Variants in RNF113A observed in about 807,000 individuals in gnomAD.
RNF113A encodes ring finger protein 113A, also known as E3 ubiquitin-protein ligase RNF113A.
For missense variants in RNF113A, 180 were observed against 285.4 expected (o/e 0.63, Z 2.66); for synonymous variants, 80 against 110.5 (o/e 0.72, Z 1.73).
chrX:119,871,534 G>A lies in RNF113A; in HGVS notation c.80C>T (p.Ala27Val). 1 of 1,211,694 alleles carries A rather than the reference G, an allele frequency of 8.3e-7. No homozygotes were observed. ...FLFKKPGRKG[A>V]AGRRKRPACD... ...GGCCGGGCGCTTTCTGCGTCCAGCA[G>A]CCCCTTTCCGCCCAGGCTTTTTGAA... Residue 27 changes from alanine to valine, a missense_variant, in exon 1 of 1, where the codon GCT (alanine) becomes GTT (valine). Transcript: ENST00000371442.
At position 119,870,553 on chromosome X, in the gene RNF113A, A is replaced by AT; in HGVS notation, c.*28dup. 8.8e-7 allele frequency: 1 copy of AT among 1,141,966 alleles called. No individual in the cohort carries two copies. 94.1% of individuals were successfully genotyped at this position (1,141,966 alleles called of 1,213,427 possible). A position where few individuals can be genotyped will look rare whatever the true frequency, so the allele number is the denominator to read the frequency against. On this transcript the variant is annotated 3_prime_UTR_variant, in exon 1 of 1. Coordinates refer to ENST00000371442, the MANE Select transcript of RNF113A (RefSeq NM_006978.3). ...AGACTTCCAAAAGAACAAAACGTTT[A>AT]TTTTTTAAATTTAAGAATTATGGGA...
chrX:119,870,637 C>A lies in RNF113A; in HGVS notation c.977G>T (p.Gly326Val), dbSNP rs2056405808. 1 of 1,211,667 alleles carries A rather than the reference C, an allele frequency of 8.3e-7. No individual in the cohort carries two copies. The highest frequency in any genetic ancestry group is 1.8e-5 in the South Asian group (1 of 56,969). The change falls in exon 1 of 1, where the codon GGT (glycine) becomes GTT (valine). Residue 326 changes from glycine to valine, a missense_variant. Transcript: ENST00000371442. ...KLEKHRATGE[G>V]GASDLPEDPD... Reference sequence around the variant, plus strand: ...GTCTTCTGGCAAGTCGGAAGCACCACCCTCTCCTGTAGCTCGATGCTTCTC... The same window carrying A: ...GTCTTCTGGCAAGTCGGAAGCACCAACCTCTCCTGTAGCTCGATGCTTCTC...
rs2056405530 is a variant in RNF113A, at chrX:119,870,602, C to A, written c.1012G>T (p.Asp338Tyr). 3 of 1,200,270 alleles carry A rather than the reference C, an allele frequency of 2.5e-6. No individual in the cohort carries two copies. The East Asian group carries it at 8.9e-5, about 36-fold the overall frequency. ...ASDLPEDPDE[D>Y]AIPIT Reference sequence around the variant, plus strand: ...GAAACCTAAGTAATGGGAATTGCATCCTCATCGGGGTCTTCTGGCAAGTCG... The same window carrying A: ...GAAACCTAAGTAATGGGAATTGCATACTCATCGGGGTCTTCTGGCAAGTCG... The change falls in exon 1 of 1, where the codon GAT becomes TAT. Residue 338 changes from aspartate (D) to tyrosine (Y), a missense_variant. Physicochemically the swap from Asp to Tyr is radical, Grantham distance 160. Coordinates refer to ENST00000371442, the MANE Select transcript of RNF113A (RefSeq NM_006978.3).
chrX:119,870,826 A>C lies in RNF113A; in HGVS notation c.788T>G (p.Phe263Cys). Reference sequence around the variant, plus strand: ...GTTTTGGAAGCTCTGGCGACAGATGAAACACTTGAATGGTATTTCCTCATC... The same window carrying C: ...GTTTTGGAAGCTCTGGCGACAGATGCAACACTTGAATGGTATTTCCTCATC... ...SDDEEIPFKC[F>C]ICRQSFQNPV... Residue 263 changes from phenylalanine to cysteine, a missense_variant, in exon 1 of 1, where the codon TTC (phenylalanine) becomes TGC (cysteine). Phe to Cys is a radical substitution (Grantham distance 205). Transcript: ENST00000371442. 8.3e-7 allele frequency: 1 copy of C among 1,211,546 alleles called. No individual in the cohort carries two copies. The highest frequency in any genetic ancestry group is 1.1e-6 in the Non-Finnish European group (1 of 895,459).
rs1195722629 is a variant in RNF113A at position 119,871,540 on chromosome X, T to C, written c.74A>G (p.Lys25Arg). The change falls in exon 1 of 1, where the codon AAA becomes AGA. Residue 25 changes from lysine (K) to arginine (R), a missense_variant. Coordinates refer to ENST00000371442, the MANE Select transcript of RNF113A (RefSeq NM_006978.3). ...CTFLFKKPGR[K>R]GAAGRRKRPA... Reference sequence around the variant, plus strand: ...GCGCTTTCTGCGTCCAGCAGCCCCTTTCCGCCCAGGCTTTTTGAAAAGGAA... The same window carrying C: ...GCGCTTTCTGCGTCCAGCAGCCCCTCTCCGCCCAGGCTTTTTGAAAAGGAA... The C allele has an allele frequency of 4.8e-5, 58 of 1,210,716 alleles. No homozygotes were observed. The highest frequency in any genetic ancestry group is 6.3e-5 in the Non-Finnish European group (56 of 895,315).
In RNF113A at chrX:119,871,369, TCGC is replaced by T. The variant is rs776401851; in HGVS notation, c.242_244del (p.Gly81del). ...TTCCTCTTCCTCTTCGCTGCTCAAG[TCGC>T]CGTAAGCCGCCTTCTGTTTACCACT... On this transcript the variant is annotated inframe_deletion, in exon 1 of 1. Coordinates refer to ENST00000371442, the MANE Select transcript of RNF113A (RefSeq NM_006978.3). The T allele has an allele frequency of 8.6e-5, 104 of 1,209,816 alleles. No individual in the cohort carries two copies. Among genetic ancestry groups the T allele is most frequent in the Non-Finnish European group, 1.1e-4 (100 of 895,267 alleles).
Position 119,871,582 on chromosome X carries a change from A to G in RNF113A, c.32T>C (p.Val11Ala). The G allele has an allele frequency of 8.4e-7, 1 of 1,197,069 alleles. No individual in the cohort carries two copies. The highest frequency in any genetic ancestry group is 1.1e-6 in the Non-Finnish European group (1 of 888,697). Residue 11 changes from valine to alanine, a missense_variant, in exon 1 of 1, where the codon GTG (valine) becomes GCG (alanine). Coordinates refer to ENST00000371442, the MANE Select transcript of RNF113A (RefSeq NM_006978.3). MAEQLSPGKA[V>A]DQVCTFLFKK... is the part of the protein sequence containing the mutation. ...GAAAAGGAAGGTGCACACCTGATCC[A>G]CCGCCTTTCCTGGAGAAAGCTGCTC...
chrX:119,871,355 C>T lies in RNF113A; in HGVS notation c.259G>A (p.Glu87Lys). ...KAAYGDLSSE[E>K]EEENEPESLG... ...CTCTCGGGCTCATTTTCCTCTTCCTCTTCGCTGCTCAAGTCGCCGTAAGCC... is the reference window on the plus strand; with the variant it reads ...CTCTCGGGCTCATTTTCCTCTTCCTTTTCGCTGCTCAAGTCGCCGTAAGCC... Residue 87 changes from glutamate to lysine, a missense_variant, in exon 1 of 1, where the codon GAG becomes AAG. Transcript: ENST00000371442. The T allele has an allele frequency of 8.3e-7, 1 of 1,211,762 alleles. No individual in the cohort carries two copies. The highest frequency in any genetic ancestry group is 1.1e-6 in the Non-Finnish European group (1 of 895,616).
chrX:119,870,931 T>C lies in RNF113A; in HGVS notation c.683A>G (p.His228Arg). 8.3e-7 allele frequency: 1 copy of C among 1,211,575 alleles called. No individual in the cohort carries two copies. The highest frequency in any genetic ancestry group is 1.1e-6 in the Non-Finnish European group (1 of 895,508). The stretch of plus-strand genomic sequence containing the variant: ...AAGCTCACGTTCGATCTGCCACCCA[T>C]GCTTGTAATCTGAACGGTCATGGAG... Reference protein sequence around the residue: ...KFLHDRSDYKHGWQIERELDE... With the variant: ...KFLHDRSDYKRGWQIERELDE... Residue 228 changes from histidine to arginine, a missense_variant, in exon 1 of 1, where the codon CAT (histidine) becomes CGT (arginine). Transcript: ENST00000371442.
chrX:119,870,510 A>G lies in RNF113A; in HGVS notation c.*72T>C. The G allele has an allele frequency of 9.8e-7, 1 of 1,016,799 alleles. No homozygotes were observed. Among genetic ancestry groups the G allele is most frequent in the Non-Finnish European group, 1.3e-6 (1 of 751,080 alleles). The allele number at this position is 1,016,799 out of a possible 1,213,427, so 83.8% of individuals were successfully genotyped here. A position where few individuals can be genotyped will look rare whatever the true frequency, so the allele number is the denominator to read the frequency against. On this transcript the variant is annotated 3_prime_UTR_variant, in exon 1 of 1. Transcript: ENST00000371442. ...CGCCTGCTCTGTCACTTTCTCTACAAAGGAAGGACACGAAGTAAGACTTCC... is the reference window on the plus strand; with the variant it reads ...CGCCTGCTCTGTCACTTTCTCTACAGAGGAAGGACACGAAGTAAGACTTCC...
chrX:119,870,653 G>A lies in RNF113A; in HGVS notation c.961C>T (p.Arg321Ter). 2 of 1,211,769 alleles carry A rather than the reference G, an allele frequency of 1.7e-6. No individual in the cohort carries two copies. Among genetic ancestry groups the A allele is most frequent in the South Asian group, 1.8e-5 (1 of 56,990 alleles). The part of the protein sequence containing the change: ...KELIAKLEKH[R>*]ATGEGGASDL... ...GAAGCACCACCCTCTCCTGTAGCTC[G>A]ATGCTTCTCTAGTTTAGCAATCAAT... Residue 321 changes from arginine to a stop codon, truncating the protein, a stop_gained, in exon 1 of 1, where the codon CGA becomes TGA. Coordinates refer to ENST00000371442, the MANE Select transcript of RNF113A (RefSeq NM_006978.3). LOFTEE classifies it high-confidence loss of function.
rs1178930770 is a variant in RNF113A at position 119,871,419 on chromosome X, T to C, written c.195A>G (p.Pro65=). ...RPEKKRVTHN[P]MIQKTRDSGK... ...CACTGTCACGGGTCTTCTGTATCAT[T>C]GGATTGTGGGTCACCCGCTTCTTTT... The change falls in exon 1 of 1, where the codon CCA becomes CCG. Residue 65 remains proline, a synonymous_variant. Transcript: ENST00000371442. The C allele has an allele frequency of 8.3e-6, 10 of 1,211,943 alleles. No homozygotes were observed. Among genetic ancestry groups the C allele is most frequent in the Non-Finnish European group, 1.0e-5 (9 of 895,547 alleles).
rs2056405505 is a variant in RNF113A at position 119,870,600 on chromosome X, A to T, written c.1014T>A (p.Asp338Glu). The T allele has an allele frequency of 2.5e-6, 3 of 1,201,157 alleles. No individual in the cohort carries two copies. In the East Asian group the frequency reaches 8.9e-5, roughly 36 times the overall value. ...ASDLPEDPDE[D>E]AIPIT Reference sequence around the variant, plus strand: ...GGGAAACCTAAGTAATGGGAATTGCATCCTCATCGGGGTCTTCTGGCAAGT... The same window carrying T: ...GGGAAACCTAAGTAATGGGAATTGCTTCCTCATCGGGGTCTTCTGGCAAGT... The change falls in exon 1 of 1, where the codon GAT (aspartate) becomes GAA (glutamate). Residue 338 changes from aspartate to glutamate, a missense_variant. Asp to Glu is a conservative substitution (Grantham distance 45, BLOSUM62 2). Coordinates refer to ENST00000371442, the MANE Select transcript of RNF113A (RefSeq NM_006978.3).
chrX:119,871,717 A>G lies in RNF113A; in HGVS notation c.-104T>C. On this transcript the variant is annotated 5_prime_UTR_variant, in exon 1 of 1. Transcript: ENST00000371442. ...TCCGCCGGGAGTCGAAGCAAAAGAC[A>G]CTGACGGAAGAGGACTGCGAGAGCC... 1.0e-6 allele frequency: 1 copy of G among 964,740 alleles called. No individual in the cohort carries two copies. The highest frequency in any genetic ancestry group is 1.4e-6 in the Non-Finnish European group (1 of 695,399). The allele number at this position is 964,740 out of a possible 1,213,427, so 79.5% of individuals were successfully genotyped here. A position where few individuals can be genotyped will look rare whatever the true frequency, so the allele number is the denominator to read the frequency against.
chrX:119,871,119 G>A lies in RNF113A; in HGVS notation c.495C>T (p.Pro165=), dbSNP rs1358738929. ...GINNYQKYMK[P]KDTSMGNASS... is the part of the protein sequence containing the mutation. ...AGGCATTGCCCATAGACGTATCCTT[G>A]GGCTTCATGTATTTCTGATAATTGT... Residue 165 remains proline, a synonymous_variant, in exon 1 of 1, where the codon CCC becomes CCT. Coordinates refer to ENST00000371442, the MANE Select transcript of RNF113A (RefSeq NM_006978.3). 3.3e-6 allele frequency: 4 copies of A among 1,209,150 alleles called. No individual in the cohort carries two copies. In the South Asian group the frequency reaches 5.3e-5, roughly 16 times the overall value.
chrX:119,870,798 T>TG lies in RNF113A; in HGVS notation c.815dup (p.Val273SerfsTer28). The stretch of plus-strand genomic sequence containing the variant: ...AATAATGCCTGCACTTGGTGACAAC[T>TG]GGGTTTTGGAAGCTCTGGCGACAGA... On this transcript the variant is annotated frameshift_variant, in exon 1 of 1. Transcript: ENST00000371442. LOFTEE classifies it high-confidence loss of function. 8.3e-7 allele frequency: 1 copy of TG among 1,211,988 alleles called. No individual in the cohort carries two copies. The highest frequency in any genetic ancestry group is 3.0e-5 in the East Asian group (1 of 33,863).
At position 119,871,343 on chromosome X, in the gene RNF113A, TTTCCTC is replaced by T. The variant is rs1480784251; in HGVS notation, c.265_270del (p.Glu89_Glu90del). 9 of 1,211,609 alleles carry T rather than the reference TTTCCTC, an allele frequency of 7.4e-6. No individual in the cohort carries two copies. Among genetic ancestry groups the T allele is most frequent in the Admixed American group, 2.2e-5 (1 of 45,991 alleles). On this transcript the variant is annotated inframe_deletion, in exon 1 of 1. Coordinates refer to ENST00000371442, the MANE Select transcript of RNF113A (RefSeq NM_006978.3). The stretch of plus-strand genomic sequence containing the variant: ...ACCACGCCGAGACTCTCGGGCTCAT[TTTCCTC>T]TTCCTCTTCGCTGCTCAAGTCGCCG...
chrX:119,871,156 T>C lies in RNF113A; in HGVS notation c.458A>G (p.Tyr153Cys), dbSNP rs949041051. Residue 153 changes from tyrosine (Y) to cysteine (C), a missense_variant, in exon 1 of 1, where the codon TAT becomes TGT. Tyr to Cys is a radical substitution (Grantham distance 194). Coordinates refer to ENST00000371442, the MANE Select transcript of RNF113A (RefSeq NM_006978.3). ...ELRGKEDDKI[Y>C]RGINNYQKYM... is the part of the protein sequence containing the mutation. ...TTTCTGATAATTGTTGATTCCCCGATAGATCTTGTCATCCTCCTTGCCCCT... is the reference window on the plus strand; with the variant it reads ...TTTCTGATAATTGTTGATTCCCCGACAGATCTTGTCATCCTCCTTGCCCCT... 1 of 1,208,925 alleles carries C rather than the reference T, an allele frequency of 8.3e-7. No homozygotes were observed. Among genetic ancestry groups the C allele is most frequent in the Non-Finnish European group, 1.1e-6 (1 of 895,188 alleles).
rs767497599 is a variant in RNF113A, at chrX:119,870,652, C to G, written c.962G>C (p.Arg321Pro). The change falls in exon 1 of 1, where the codon CGA becomes CCA. Residue 321 changes from arginine to proline, a missense_variant. Arg to Pro is a moderately radical substitution (Grantham distance 103). Coordinates refer to ENST00000371442, the MANE Select transcript of RNF113A (RefSeq NM_006978.3). ...KELIAKLEKH[R>P]ATGEGGASDL... ...GGAAGCACCACCCTCTCCTGTAGCT[C>G]GATGCTTCTCTAGTTTAGCAATCAA... is the stretch of plus-strand genomic sequence containing the variant. 3 of 1,211,664 alleles carry G rather than the reference C, an allele frequency of 2.5e-6. No individual in the cohort carries two copies. Among genetic ancestry groups the G allele is most frequent in the Non-Finnish European group, 3.4e-6 (3 of 895,431 alleles).
Sources: allele counts gnomAD v4.1 joint callset, GRCh38; gene constraint gnomAD v4.1.1; transcripts MANE v1.5; gene names NCBI Gene and HGNC (gene_info 2026-07-23, HGNC 2026-07-21).